Variants in BST1 observed in about 807,000 individuals in gnomAD.
The protein encoded by BST1 is bone marrow stromal cell antigen 1, also known as ADP-ribosyl cyclase/cyclic ADP-ribose hydrolase 2.
In BST1, 49 loss-of-function variants were observed where a neutral mutation model predicts 40.6. The ratio of observed to expected loss-of-function variants is 1.21; its 90% CI spans 0.96 to 1.53. The LOEUF (loss-of-function observed/expected upper bound fraction) is 1.53. Among genes scored for constraint, BST1 ranks in the 40% most tolerant of loss-of-function variants. BST1 has a pLI of 0.00. For synonymous variants in BST1, 157 were observed against 159.3 expected, an observed-to-expected ratio of 0.99 and a Z score of 0.11; for missense variants, 423 against 395.9, an observed-to-expected ratio of 1.07 and a Z score of -0.58.
At position 15,722,910 on chromosome 4, in the gene BST1, CCCA is replaced by C; in HGVS notation, c.828_830del (p.His277del). 2 of 1,613,790 alleles carry C rather than the reference CCCA, an allele frequency of 1.2e-6. No homozygotes were observed. The highest frequency in any genetic ancestry group is 2.7e-5 in the African/African-American group (2 of 75,008). ...CTCTTACAGTGCGTGGACCACAGCACCCATCCTGACTGTGCCTTAAAGTCGTAA... is the reference window on the plus strand; with the variant it reads ...CTCTTACAGTGCGTGGACCACAGCACTCCTGACTGTGCCTTAAAGTCGTAA... On this transcript the variant is annotated inframe_deletion, in exon 8 of 9. Coordinates refer to ENST00000265016, the MANE Select transcript of BST1 (RefSeq NM_004334.3).
chr4:15,767,059 G>T, the BST1 span, among the ~76,000 whole-genome samples: 46 of 151,920 alleles, frequency 3.0e-4, no homozygotes, highest in East Asian at 8.7e-3. Flanking sequence ...TCTGCAAGTT[G>T]TCTGCTAACC....
chr4:15,749,839 G>T, the BST1 span, among the ~76,000 whole-genome samples: 2 of 151,474 alleles, frequency 1.3e-5, no homozygotes, highest in Admixed American at 1.3e-4. Flanking sequence ...AAACAATCCA[G>T]TTATACTTTG....
chr4:15,750,832 C>T, the BST1 span, among the ~76,000 whole-genome samples: 99 of 152,104 alleles, frequency 6.5e-4, no homozygotes, highest in African/African-American at 2.3e-3. Flanking sequence ...AATATAGCTG[C>T]TTATAAAAAT....
the BST1 span, among the ~76,000 whole-genome samples, chr4:15,768,800 G>A: frequency 6.6e-6 from 1 of 152,056 alleles, no homozygotes; most frequent in African/African-American, 2.4e-5. Flanking sequence ...CCGGCCGATG[G>A]ACAGTATCTT....
In BST1 at chr4:15,715,793, C is replaced by G. The variant is rs775200639; in HGVS notation, c.698C>G (p.Pro233Arg). 6.3e-7 allele frequency: 1 copy of G among 1,578,582 alleles called. No homozygotes were observed. Among genetic ancestry groups the G allele is most frequent in the Non-Finnish European group, 8.6e-7 (1 of 1,164,582 alleles). The change falls in exon 6 of 9, where the codon CCC becomes CGC. Residue 233 changes from proline to arginine, a missense_variant. Pro to Arg is a moderately radical substitution (Grantham distance 103). Transcript: ENST00000265016. The stretch of plus-strand genomic sequence containing the variant: ...TGGGTTATGCATGAAATTGGGGGAC[C>G]CAATGTGTAAGTTATGGTGATATTG... Reference protein sequence around the residue: ...EIWVMHEIGGPNVESCGEGSM... With the variant: ...EIWVMHEIGGRNVESCGEGSM...
At chr4:15,768,179 GC>G in the BST1 span, among the ~76,000 whole-genome samples, 1 of 152,318 alleles carries the variant, frequency 6.6e-6, no homozygotes, top group East Asian at 1.9e-4. Context: ...CTGAGATGCT[GC>G]CCCTCCAAAG....
chr4:15,712,033 C>T (rs546701378), intron 4 of BST1, 144 bp downstream of exon 4: 1 of 654,798 alleles, frequency 1.5e-6, no homozygotes, highest in African/African-American at 1.8e-5. Flanking sequence ...GATTCATGCT[C>T]TTTGCTATAT....
chr4:15,733,328 T>A (rs1446726732), downstream of BST1, among the ~76,000 whole-genome samples: 1 of 152,086 alleles, frequency 6.6e-6, no homozygotes, highest in South Asian at 2.1e-4. Flanking sequence ...TTTTACAGAG[T>A]GCTGACTGGT....
At chr4:15,706,060 G>C (rs1202390290) in intron 2 of BST1, among the ~76,000 whole-genome samples, 1 of 152,106 alleles carries the variant, frequency 6.6e-6, no homozygotes, top group Non-Finnish European at 1.5e-5. Flanking sequence ...GATCTTCTGA[G>C]AACTCCCTCA....
At chr4:15,752,674 A>T in the BST1 span, among the ~76,000 whole-genome samples, 1 of 152,060 alleles carries the variant, frequency 6.6e-6, no homozygotes, top group South Asian at 2.1e-4. Flanking sequence ...TATAGAATGA[A>T]CATTTCAAGC....
chr4:15,769,009 A>G, the BST1 span, among the ~76,000 whole-genome samples: 1 of 152,140 alleles, frequency 6.6e-6, no homozygotes, highest in African/African-American at 2.4e-5. Context: ...ACATGATGGC[A>G]GTGTTGTGAG....
intron 8 of BST1, among the ~76,000 whole-genome samples, chr4:15,728,416 ATATGGGTTAC>A (rs1210830675): frequency 6.7e-6 from 1 of 149,976 alleles, no homozygotes; most frequent in Non-Finnish European, 1.5e-5. Flanking sequence ...TGATGCCAGT[ATATGGGTTAC>A]TATTAAGTAA....
the BST1 span, among the ~76,000 whole-genome samples, chr4:15,759,946 C>T: frequency 6.6e-6 from 1 of 151,906 alleles, no homozygotes; most frequent in Non-Finnish European, 1.5e-5. Flanking sequence ...TTTTTGAGAT[C>T]GAATTTACAA....
chr4:15,707,393 TGCA>T, intron 2 of BST1, 115 bp from the exon 3 acceptor site: 1 of 1,129,230 alleles, frequency 8.9e-7, no homozygotes, highest in Non-Finnish European at 1.3e-6. Flanking sequence ...TCAGTTGTTG[TGCA>T]GCAGGTCAGA....
At chr4:15,707,853 C>CTATA (rs1427610773) in intron 3 of BST1, among the ~76,000 whole-genome samples, 1,527 of 108,174 alleles carry the variant, frequency 0.014, 12 homozygotes, top group South Asian at 0.017. Context: ...CTCTCTCTCT[C>CTATA]TCTATATATA....
At chr4:15,750,869 A>C in the BST1 span, among the ~76,000 whole-genome samples, 2 of 152,164 alleles carry the variant, frequency 1.3e-5, no homozygotes, top group Non-Finnish European at 2.9e-5. Flanking sequence ...GGCTCATATT[A>C]TATTTCTACT....
downstream of BST1, among the ~76,000 whole-genome samples, chr4:15,737,455 G>A (rs1226173968): frequency 1.3e-5 from 2 of 152,174 alleles, no homozygotes; most frequent in South Asian, 2.1e-4. Context: ...TTCCTCCATG[G>A]TCTGGGCAGC....
the BST1 span, among the ~76,000 whole-genome samples, chr4:15,758,951 G>A: frequency 6.6e-6 from 1 of 151,926 alleles, no homozygotes; most frequent in Non-Finnish European, 1.5e-5. Flanking sequence ...CGGAGCTATG[G>A]CCTACACACC....
At chr4:15,743,627 C>G in the BST1 span, 1 of 298,370 alleles carries the variant, frequency 3.4e-6, no homozygotes, top group Non-Finnish European at 6.5e-6. Context: ...CCTCCTATTT[C>G]TGGCAAGGGC....
Sources: allele counts gnomAD v4.1 joint callset (sites outside exome capture counted in the v4.1 genomes callset), GRCh38; gene constraint gnomAD v4.1.1; transcripts MANE v1.5; gene names NCBI Gene and HGNC (gene_info 2026-07-23, HGNC 2026-07-21).